GRAMD2B: variants seen among roughly 807,000 people sequenced by gnomAD.
GRAMD2B encodes the protein GRAM domain containing 2B, also known as GRAM domain-containing protein 2B.
GRAMD2B carries 41 observed loss-of-function variants against 59.2 expected under a neutral mutation model. The observed-to-expected ratio is 0.69, with a 90% CI of 0.54 to 0.90. GRAMD2B has a LOEUF of 0.90. Among genes scored for constraint, GRAMD2B ranks in the 40% least tolerant of loss-of-function variants. The pLI, the probability that GRAMD2B is intolerant of heterozygous loss-of-function variation, is 0.00. For synonymous variants in GRAMD2B, 161 were observed against 182.7 expected (o/e 0.88, Z 0.96); for missense variants, 424 against 500.5 (o/e 0.85, Z 1.46).
intron 1 of GRAMD2B, among the ~76,000 whole-genome samples, chr5:126,442,132 T>C (rs1393035373): frequency 6.6e-6 from 1 of 151,124 alleles, no homozygotes; most frequent in East Asian, 1.9e-4. Context: ...GAATACTAGA[T>C]AAAACAAAAG....
intron 1 of GRAMD2B, among the ~76,000 whole-genome samples, chr5:126,390,764 C>A (rs879859361): frequency 3.3e-5 from 5 of 152,178 alleles, no homozygotes; most frequent in Non-Finnish European, 2.9e-5. Context: ...TACTAGATGT[C>A]TTCTGTGTGC....
intron 1 of GRAMD2B, among the ~76,000 whole-genome samples, chr5:126,457,298 A>G (rs34254217): frequency 0.34 from 50,242 of 149,578 alleles, 8,952 homozygotes; most frequent in East Asian, 0.6. Flanking sequence ...TCTTGATGCT[A>G]TCTTACTTTG....
In GRAMD2B at chr5:126,400,918, C is replaced by A. The variant is rs146833517; in HGVS notation, c.125+29351C>A. Reference sequence around the variant, plus strand: ...TGATCATAATGTGTCTCCATATAATCTTCTTCAGGTTGATCCCGTTTGGAA... The same window carrying A: ...TGATCATAATGTGTCTCCATATAATATTCTTCAGGTTGATCCCGTTTGGAA... On this transcript the variant is annotated intron_variant, in intron 1 of 8. Coordinates refer to the GRAMD2B transcript ENST00000506445. 2.4e-4 allele frequency among the ~76,000 whole-genome samples: 36 copies of A among 152,194 alleles called. 1 individual carries two copies. The East Asian group carries it at 6.0e-3, about 25-fold the overall frequency.
chr5:126,394,000 C>T lies in GRAMD2B; in HGVS notation c.125+22433C>T, dbSNP rs111667206. 3.8e-3 allele frequency among the ~76,000 whole-genome samples: 578 copies of T among 152,112 alleles called. 3 individuals are homozygous for T. Among genetic ancestry groups the T allele is most frequent in the African/African-American group, 0.013 (535 of 41,498 alleles). On this transcript the variant is annotated intron_variant, in intron 1 of 8. Coordinates refer to the GRAMD2B transcript ENST00000506445. Reference sequence around the variant, plus strand: ...AAAAAACTAGGAATATTAGGCCAGGCGCGGTGGCTCACACCTGTTAGCCCA... The same window carrying T: ...AAAAAACTAGGAATATTAGGCCAGGTGCGGTGGCTCACACCTGTTAGCCCA...
intron 1 of GRAMD2B, among the ~76,000 whole-genome samples, chr5:126,364,544 C>G (rs1754355446): frequency 6.6e-6 from 1 of 152,180 alleles, no homozygotes; most frequent in Non-Finnish European, 1.5e-5. Flanking sequence ...TTTTCATTCT[C>G]TCAAGAGTCA....
In GRAMD2B at chr5:126,488,804, C is replaced by G; in HGVS notation, c.1169C>G (p.Ala390Gly). The change falls in exon 13 of 14, where the codon GCA (alanine) becomes GGA (glycine). Residue 390 changes from alanine (A) to glycine (G), a missense_variant. Transcript: ENST00000285689. The part of the protein sequence containing the change: ...SIVDTHNTEQ[A>G]APSGLRSQVQ... ...TTTTCTCTTTTTTCTTACAGACAGG[C>G]AGCACCATCTGGCCTGAGGTCACAA... 3 of 1,611,742 alleles carry G rather than the reference C, an allele frequency of 1.9e-6. No individual in the cohort carries two copies. Among genetic ancestry groups the G allele is most frequent in the Non-Finnish European group, 2.5e-6 (3 of 1,178,122 alleles).
chr5:126,422,347 C>G (rs555649050), upstream of GRAMD2B, among the ~76,000 whole-genome samples: 1 of 152,080 alleles, frequency 6.6e-6, no homozygotes, highest in Admixed American at 6.5e-5. Context: ...CAAGCGCCTG[C>G]GCCACCTCAC....
intron 1 of GRAMD2B, among the ~76,000 whole-genome samples, chr5:126,397,920 GA>G (rs1460773242): frequency 6.6e-6 from 1 of 151,910 alleles, no homozygotes; most frequent in African/African-American, 2.4e-5. Flanking sequence ...TATTTTTTTG[GA>G]AAAATTTAAG....
upstream of GRAMD2B, among the ~76,000 whole-genome samples, chr5:126,420,029 T>C (rs1233419643): frequency 8.6e-6 from 1 of 116,760 alleles, no homozygotes; most frequent in Non-Finnish European, 1.6e-5. Flanking sequence ...CACTCCAGCC[T>C]GGGCAACAGA....
intron 3 of GRAMD2B, among the ~76,000 whole-genome samples, chr5:126,470,835 C>T (rs578090602): frequency 7.9e-5 from 12 of 152,286 alleles, no homozygotes; most frequent in African/African-American, 2.4e-4. Flanking sequence ...GCTGTGATTA[C>T]GAGCATGAGC....
intron 1 of GRAMD2B, among the ~76,000 whole-genome samples, chr5:126,410,010 T>G (rs778459007): frequency 0.023 from 3,369 of 149,604 alleles, 57 homozygotes; most frequent in Admixed American, 0.044. Context: ...GATATGCGGC[T>G]TTATTTCTGA....
chr5:126,490,532 A>G lies in GRAMD2B; in HGVS notation c.1257+1640A>G, dbSNP rs116338428. ...TCTCAAAGCAGAAACTGATTCAGTAAAAAGTGGATTTGGGGTCAAAATGCG... is the reference window on the plus strand; with the variant it reads ...TCTCAAAGCAGAAACTGATTCAGTAGAAAGTGGATTTGGGGTCAAAATGCG... On this transcript the variant is annotated intron_variant, in intron 13 of 13. Coordinates refer to ENST00000285689, the MANE Select transcript of GRAMD2B (RefSeq NM_023927.4). Among the ~76,000 whole-genome samples the G allele has an allele frequency of 2.1e-3, 325 of 152,330 alleles. 2 individuals carry two copies. Among genetic ancestry groups the G allele is most frequent in the African/African-American group, 7.5e-3 (312 of 41,566 alleles).
chr5:126,373,202 G>A (rs1209919770), intron 1 of GRAMD2B, among the ~76,000 whole-genome samples: 1 of 152,034 alleles, frequency 6.6e-6, no homozygotes, highest in Non-Finnish European at 1.5e-5. Flanking sequence ...AGGCATTGAA[G>A]GACTTTTAGT....
chr5:126,399,079 G>A (rs1252448320), intron 1 of GRAMD2B, among the ~76,000 whole-genome samples: 2 of 152,150 alleles, frequency 1.3e-5, no homozygotes, highest in Non-Finnish European at 2.9e-5. Context: ...GTACTGTTGA[G>A]TGGAAAGTTC....
chr5:126,375,224 G>A (rs191837629), intron 1 of GRAMD2B, among the ~76,000 whole-genome samples: 13 of 152,032 alleles, frequency 8.6e-5, no homozygotes, highest in African/African-American at 3.1e-4. Context: ...AATATAATTA[G>A]ATTTCTAAAT....
At chr5:126,394,064 GGAGATC>G (rs1213616093) in intron 1 of GRAMD2B, among the ~76,000 whole-genome samples, 1 of 152,108 alleles carries the variant, frequency 6.6e-6, no homozygotes, top group Non-Finnish European at 1.5e-5. Context: ...CACGAGGTGA[GGAGATC>G]GAGACCATCC....
chr5:126,449,845 T>A (rs1433917393), intron 1 of GRAMD2B, among the ~76,000 whole-genome samples: 3 of 152,162 alleles, frequency 2.0e-5, no homozygotes, highest in African/African-American at 7.2e-5. Flanking sequence ...GTGTGTCACA[T>A]CCTGTGAACA....
At chr5:126,377,979 A>G (rs534345708) in intron 1 of GRAMD2B, among the ~76,000 whole-genome samples, 4 of 152,314 alleles carry the variant, frequency 2.6e-5, no homozygotes, top group East Asian at 1.9e-4. Flanking sequence ...TATTAGGACT[A>G]TATACTCGAT....
At chr5:126,362,174 G>C (rs1754250376) in intron 1 of GRAMD2B, among the ~76,000 whole-genome samples, 1 of 152,160 alleles carries the variant, frequency 6.6e-6, no homozygotes, top group African/African-American at 2.4e-5. Flanking sequence ...CGTGTTAAAA[G>C]ATCCTATGAG....
Sources: gnomAD v4.1 joint callset for allele counts (sites outside exome capture counted in the v4.1 genomes callset) on GRCh38, gnomAD v4.1.1 for gene constraint, MANE v1.5 for transcripts, NCBI Gene and HGNC (gene_info 2026-07-23, HGNC 2026-07-21) for gene names.